The following PHKB variants were observed in gnomAD, a reference collection of about 807,000 sequenced individuals.
PHKB encodes phosphorylase b kinase regulatory subunit beta.
In PHKB, 122 loss-of-function variants were observed where a neutral mutation model predicts 152.1. The ratio of observed to expected loss-of-function variants is 0.80; its 90% confidence interval spans 0.69 to 0.93. PHKB has a LOEUF of 0.93. Ranked by LOEUF, PHKB falls within the 40% of genes least tolerant of loss-of-function variation. PHKB has a pLI of 0.00. For missense variants in PHKB, 1,304 were observed against 1,328.4 expected, an observed-to-expected ratio of 0.98 and a Z score of 0.29; for synonymous variants, 436 against 464.9, an observed-to-expected ratio of 0.94 and a Z score of 0.80.
At chr16:47,651,091 G>A (rs1567342036) in intron 20 of PHKB, among the ~76,000 whole-genome samples, 170 bp downstream of exon 20, 1 of 152,112 alleles carries the variant, frequency 6.6e-6, no homozygotes, top group Non-Finnish European at 1.5e-5. Flanking sequence ...CACCAAGTCA[G>A]ATGCTTGAAC....
At chr16:47,567,284 C>CT (rs879778095) in intron 7 of PHKB, among the ~76,000 whole-genome samples, 20 of 147,904 alleles carry the variant, frequency 1.4e-4, no homozygotes, top group African/African-American at 2.7e-4. Context: ...TTTTGTAGTT[C>CT]TTTTTTTTTT....
intron 26 of PHKB, among the ~76,000 whole-genome samples, chr16:47,688,646 TC>T (rs1465771556): frequency 6.6e-6 from 1 of 151,964 alleles, no homozygotes; most frequent in African/African-American, 2.4e-5. Context: ...TCAGCCTATT[TC>T]TTGAAATGCA....
At chr16:47,670,259 G>T (rs536299620) in intron 26 of PHKB, among the ~76,000 whole-genome samples, 26 of 152,168 alleles carry the variant, frequency 1.7e-4, no homozygotes, top group Non-Finnish European at 3.2e-4. Context: ...AACTTTGAGG[G>T]TGTTTCTCAA....
At chr16:47,576,521 G>A (rs918430272) in intron 7 of PHKB, among the ~76,000 whole-genome samples, 2 of 152,140 alleles carry the variant, frequency 1.3e-5, no homozygotes, top group East Asian at 1.9e-4. Context: ...CTGGTTTTCT[G>A]TCTAGTTGTT....
At position 47,648,449 on chromosome 16, in the gene PHKB, C is replaced by A. The variant is rs1171901531; in HGVS notation, c.1609-84C>A. ...CTAGCTTCTTTCTCTCTGGAAAGATCAAAAATTAACAGGACAATACTCAGG... is the reference window on the plus strand; with the variant it reads ...CTAGCTTCTTTCTCTCTGGAAAGATAAAAAATTAACAGGACAATACTCAGG... On this transcript the variant is annotated intron_variant, in intron 16 of 30. Transcript: ENST00000323584. The A allele has an allele frequency of 7.1e-6, 7 of 990,680 alleles. No homozygotes were observed. In the African/African-American group the frequency reaches 8.0e-5, roughly 11 times the overall value. 61.4% of individuals were successfully genotyped at this position (990,680 alleles called of 1,614,324 possible).
intron 6 of PHKB, among the ~76,000 whole-genome samples, chr16:47,520,027 T>G (rs1320697456): frequency 6.6e-6 from 1 of 152,166 alleles, no homozygotes; most frequent in Admixed American, 6.5e-5. Context: ...AAGCTTTGTG[T>G]CCTAGATTCT....
chr16:47,583,833 AG>A (rs1971890249), intron 8 of PHKB, among the ~76,000 whole-genome samples: 1 of 152,286 alleles, frequency 6.6e-6, no homozygotes, highest in African/African-American at 2.4e-5. Context: ...AAAACTCTTA[AG>A]CTGTTTTTTG....
chr16:47,650,264 A>T (rs940030472), intron 18 of PHKB, among the ~76,000 whole-genome samples: 5 of 151,980 alleles, frequency 3.3e-5, no homozygotes, highest in South Asian at 2.1e-4. Flanking sequence ...ATTAACATTT[A>T]AAAAAAAGAG....
At chr16:47,682,146 C>A (rs976382620) in intron 26 of PHKB, among the ~76,000 whole-genome samples, 1 of 152,194 alleles carries the variant, frequency 6.6e-6, no homozygotes, top group Admixed American at 6.5e-5. Flanking sequence ...AGTCTGATGG[C>A]CTTCCCTTTG....
chr16:47,652,126 C>A (rs762956996), intron 20 of PHKB, among the ~76,000 whole-genome samples: 1 of 151,460 alleles, frequency 6.6e-6, no homozygotes, highest in Non-Finnish European at 1.5e-5. Context: ...GTCAGATGTC[C>A]GGTATTCTTT....
intron 7 of PHKB, among the ~76,000 whole-genome samples, chr16:47,568,514 G>A (rs1332124695): frequency 6.6e-6 from 1 of 151,904 alleles, no homozygotes; most frequent in African/African-American, 2.4e-5. Flanking sequence ...TTGTCTTTTG[G>A]TTTCAATTTC....
chr16:47,528,696 C>CTTTTTTTTTTTTTTTTTTT (rs11450311), intron 6 of PHKB, among the ~76,000 whole-genome samples: 2 of 137,390 alleles, frequency 1.5e-5, no homozygotes, highest in African/African-American at 2.7e-5. Context: ...AGGACTTTTT[C>CTTTTTTTTTTTTTTTTTTT]TTTTTTTTTT....
intron 14 of PHKB, among the ~76,000 whole-genome samples, chr16:47,637,148 G>A (rs191272487): frequency 2.6e-4 from 40 of 152,238 alleles, no homozygotes; most frequent in Middle Eastern, 3.4e-3. Context: ...CTGAGAGCTG[G>A]ACACTCATCG....
intron 1 of PHKB, among the ~76,000 whole-genome samples, chr16:47,493,486 G>A (rs530589590): frequency 1.6e-4 from 25 of 152,256 alleles, no homozygotes; most frequent in African/African-American, 5.1e-4. Context: ...TATTTCGACC[G>A]TTGTAATTTG....
intron 6 of PHKB, among the ~76,000 whole-genome samples, chr16:47,530,470 A>G (rs1047448177): frequency 2.0e-5 from 3 of 152,148 alleles, no homozygotes; most frequent in African/African-American, 4.8e-5. Context: ...CCTATTTAAC[A>G]TTGTACAGGT....
Position 47,649,086 on chromosome 16 carries a change from T to G in PHKB, c.1693-14T>G. The G allele has an allele frequency of 6.9e-7, 1 of 1,453,336 alleles. No homozygotes were observed. Among genetic ancestry groups the G allele is most frequent in the East Asian group, 2.3e-5 (1 of 44,064 alleles). The allele number at this position is 1,453,336 out of a possible 1,614,324, so 90.0% of individuals were successfully genotyped here. On this transcript the variant is annotated splice_polypyrimidine_tract_variant and intron_variant, in intron 17 of 30. Coordinates refer to ENST00000323584, the MANE Select transcript of PHKB (RefSeq NM_000293.3). ...GTTCTTTAGTTATTTGTTTTAAAAC[T>G]TTTTCCCTTACAGATTTATCGCATT...
chr16:47,541,200 A>G (rs895237199), intron 6 of PHKB, among the ~76,000 whole-genome samples: 5 of 151,974 alleles, frequency 3.3e-5, no homozygotes, highest in Non-Finnish European at 7.4e-5. Context: ...CCTGTGTCCA[A>G]GTGTTCTCAT....
At chr16:47,549,609 C>G (rs1971235768) in intron 7 of PHKB, among the ~76,000 whole-genome samples, 3 of 152,030 alleles carry the variant, frequency 2.0e-5, no homozygotes, top group African/African-American at 4.8e-5. Context: ...GCAGGAGACT[C>G]TCTTGAACCT....
intron 7 of PHKB, among the ~76,000 whole-genome samples, chr16:47,558,128 G>A (rs1039071915): frequency 1.5e-4 from 22 of 149,442 alleles, no homozygotes; most frequent in East Asian, 2.0e-4. Flanking sequence ...GTAAACTATC[G>A]CAAGGACAAA....
Sources: allele counts gnomAD v4.1 joint callset (sites outside exome capture counted in the v4.1 genomes callset), GRCh38; gene constraint gnomAD v4.1.1; transcripts MANE v1.5; gene names NCBI Gene and HGNC (gene_info 2026-07-23, HGNC 2026-07-21).